Variants in CALN1 observed in about 807,000 individuals in gnomAD.
CALN1 encodes the protein calneuron 1.
In CALN1, 17 loss-of-function variants were observed where a neutral mutation model predicts 30.6. The observed-to-expected ratio is 0.56, with a 90% CI of 0.38 to 0.83. The LOEUF is 0.83. Among genes scored for constraint, CALN1 ranks in the 40% least tolerant of loss-of-function variants. The probability of loss-of-function intolerance (pLI) is 0.00; values close to 1 mark genes in which losing one functional copy is unlikely to be tolerated. For synonymous variants in CALN1, 156 were observed against 131.4 expected, an observed-to-expected ratio of 1.19 and a Z score of -1.28; for missense variants, 291 against 354.9, an observed-to-expected ratio of 0.82 and a Z score of 1.45.
intron 3 of CALN1, among the ~76,000 whole-genome samples, chr7:72,247,276 T>TCTCACTCTG (rs1414264587): frequency 1.7e-5 from 2 of 119,440 alleles, no homozygotes; most frequent in African/African-American, 6.5e-5. Flanking sequence ...TGAGATGGAG[T>TCTCACTCTG]CTCACTCTGT....
rs374759683 is a variant in CALN1, at chr7:71,812,923, C to CATTATT, written c.502-2432_502-2431insAATAAT. On this transcript the variant is annotated intron_variant, in intron 5 of 6. Coordinates refer to ENST00000395275, the MANE Select transcript of CALN1 (RefSeq NM_031468.4). ...CATGTCCAGCTATTTTATTTATCATCATCATCATTATTATTATTATTATTA... is the reference window on the plus strand; with the variant it reads ...CATGTCCAGCTATTTTATTTATCATCATTATTATCATCATTATTATTATTATTATTA... Among the ~76,000 whole-genome samples the CATTATT allele has an allele frequency of 7.4e-3, 607 of 81,930 alleles. 6 individuals carry two copies. The highest frequency in any genetic ancestry group is 0.023 in the East Asian group (44 of 1,876). 53.7% of individuals were successfully genotyped at this position (81,930 alleles called of 152,430 possible).
chr7:71,931,892 G>A (rs1160258064), intron 5 of CALN1, among the ~76,000 whole-genome samples: 1 of 152,194 alleles, frequency 6.6e-6, no homozygotes, highest in Non-Finnish European at 1.5e-5. Context: ...GGGTCTGCCA[G>A]CCTAGCACAC....
chr7:72,038,815 A>G lies in CALN1; in HGVS notation c.389-15046T>C, dbSNP rs182160921. 4.2e-3 allele frequency among the ~76,000 whole-genome samples: 641 copies of G among 152,320 alleles called. 5 individuals carry two copies. The highest frequency in any genetic ancestry group is 0.015 in the African/African-American group (610 of 41,570). ...CATGGCAACATCAAGAAGTTACCCT[A>G]TAGGGTCTAAAAAGGGGAGGCATAA... On this transcript the variant is annotated intron_variant, in intron 4 of 6. Transcript: ENST00000395275.
chr7:72,278,015 G>GGT (rs1554348573), intron 3 of CALN1, among the ~76,000 whole-genome samples: 1 of 137,714 alleles, frequency 7.3e-6, no homozygotes, highest in Non-Finnish European at 1.6e-5. Context: ...TTCCGGGGGG[G>GGT]GGGGACTTGT....
At chr7:72,039,417 T>C (rs1801991763) in intron 4 of CALN1, among the ~76,000 whole-genome samples, 1 of 152,250 alleles carries the variant, frequency 6.6e-6, no homozygotes, top group Non-Finnish European at 1.5e-5. Flanking sequence ...GAGAGAGTAC[T>C]GGGCTGGTCC....
At chr7:72,404,513 A>C (rs539278396) in intron 1 of CALN1, among the ~76,000 whole-genome samples, 1 of 152,334 alleles carries the variant, frequency 6.6e-6, no homozygotes, top group South Asian at 2.1e-4. Context: ...CCCGGCCACC[A>C]TGGATCAGGG....
intron 3 of CALN1, among the ~76,000 whole-genome samples, chr7:72,148,368 G>A (rs974529189): frequency 6.7e-6 from 1 of 150,022 alleles, no homozygotes; most frequent in Admixed American, 6.6e-5. Flanking sequence ...AGGAATTCGA[G>A]GCCAGCCTAG....
At chr7:72,152,800 C>T (rs984620487) in intron 3 of CALN1, among the ~76,000 whole-genome samples, 2 of 152,186 alleles carry the variant, frequency 1.3e-5, no homozygotes, top group Admixed American at 6.5e-5. Context: ...AGACTTGTTC[C>T]TCTAGGCTGT....
intron 6 of CALN1, among the ~76,000 whole-genome samples, chr7:71,796,358 CTTT>C (rs35184000): frequency 3.1e-5 from 4 of 130,206 alleles, no homozygotes; most frequent in Admixed American, 7.8e-5. Flanking sequence ...ATGTTTCTTT[CTTT>C]TTTTTTTTTT....
At chr7:72,465,679 G>T in the CALN1 span, among the ~76,000 whole-genome samples, 2 of 152,244 alleles carry the variant, frequency 1.3e-5, no homozygotes, top group Non-Finnish European at 2.9e-5. Context: ...CATTATGCTA[G>T]CAGGAAGACA....
intron 5 of CALN1, among the ~76,000 whole-genome samples, chr7:71,839,767 C>T (rs6961893): frequency 0.017 from 2,581 of 152,242 alleles, 56 homozygotes; most frequent in African/African-American, 0.059. Flanking sequence ...CTTATGGCGG[C>T]ATCTCAAGGC....
At chr7:71,868,269 C>A (rs1791705132) in intron 5 of CALN1, among the ~76,000 whole-genome samples, 1 of 152,104 alleles carries the variant, frequency 6.6e-6, no homozygotes, top group South Asian at 2.1e-4. Flanking sequence ...GGCTTCTGCT[C>A]CTGGAGAGGC....
In CALN1 at chr7:72,066,690, G is replaced by A. The variant is rs547541976; in HGVS notation, c.388+39461C>T. Reference sequence around the variant, plus strand: ...TACAGTGGCGCCATCACGGCTCACTGCAGCCTTGAACTCCTTGGCTCAAGT... The same window carrying A: ...TACAGTGGCGCCATCACGGCTCACTACAGCCTTGAACTCCTTGGCTCAAGT... On this transcript the variant is annotated intron_variant, in intron 4 of 6. Transcript: ENST00000395275. Among the ~76,000 whole-genome samples the A allele has an allele frequency of 9.2e-5, 14 of 152,144 alleles. No homozygotes were observed. In the South Asian group the frequency reaches 2.3e-3, roughly 25 times the overall value.
intron 3 of CALN1, among the ~76,000 whole-genome samples, chr7:72,236,079 CAAA>C (rs11299009): frequency 7.6e-5 from 9 of 118,576 alleles, no homozygotes; most frequent in Admixed American, 8.8e-5. Flanking sequence ...CCATTCTCCA[CAAA>C]AAAAAAAAAA....
intron 5 of CALN1, among the ~76,000 whole-genome samples, chr7:71,902,396 T>G (rs1401102843): frequency 6.6e-6 from 1 of 152,166 alleles, no homozygotes; most frequent in Non-Finnish European, 1.5e-5. Flanking sequence ...GTAACTATTA[T>G]TAGTAATAAA....
intron 2 of CALN1, among the ~76,000 whole-genome samples, chr7:72,368,266 T>A (rs780692439): frequency 2.0e-5 from 3 of 150,582 alleles, no homozygotes; most frequent in Non-Finnish European, 4.4e-5. Flanking sequence ...TGTTAACTGT[T>A]AACTGAGTGC....
At chr7:72,468,569 C>T in the CALN1 span, among the ~76,000 whole-genome samples, 1 of 152,204 alleles carries the variant, frequency 6.6e-6, no homozygotes, top group African/African-American at 2.4e-5. Flanking sequence ...CAGACTCAGC[C>T]TCCCAAAGTG....
At chr7:71,826,942 G>A (rs971208311) in intron 5 of CALN1, among the ~76,000 whole-genome samples, 2 of 152,124 alleles carry the variant, frequency 1.3e-5, no homozygotes, top group African/African-American at 2.4e-5. Flanking sequence ...TTCTTATAAA[G>A]CACAGCCCTG....
chr7:72,203,992 T>C (rs894820944), intron 3 of CALN1, among the ~76,000 whole-genome samples: 1 of 120,418 alleles, frequency 8.3e-6, no homozygotes, highest in Admixed American at 8.2e-5. Flanking sequence ...TTTTTTTTTT[T>C]TTTTTTTTTT....
Sources: allele counts gnomAD v4.1 joint callset (sites outside exome capture counted in the v4.1 genomes callset), GRCh38; gene constraint gnomAD v4.1.1; transcripts MANE v1.5; gene names NCBI Gene and HGNC (gene_info 2026-07-23, HGNC 2026-07-21).